Variants in CLEC18A observed in about 807,000 individuals in gnomAD.
CLEC18A encodes the protein mannose receptor-like 1.
A neutral mutation model predicts 24.0 loss-of-function variants in CLEC18A; 5 were observed. The observed-to-expected ratio is 0.21, with a 90% CI of 0.11 to 0.44. The LOEUF is 0.44. Ranked by LOEUF, CLEC18A falls within the 20% of genes least tolerant of loss-of-function variation. The pLI, the probability that CLEC18A is intolerant of heterozygous loss-of-function variation, is 0.99. For missense variants in CLEC18A, 83 were observed against 233.4 expected, an observed-to-expected ratio of 0.36 and a Z score of 4.20; for synonymous variants, 29 against 100.1, an observed-to-expected ratio of 0.29 and a Z score of 4.24.
chr16:69,953,368 AG>A (rs1360835848), intron 2 of CLEC18A: 1 of 150,900 alleles, frequency 6.6e-6, no homozygotes, highest in Non-Finnish European at 1.5e-5. Context: ...TGCAGCCCCG[AG>A]GGGCCCCCCT....
At chr16:69,946,313 A>G (rs1224120040), upstream of CLEC18A, among the ~76,000 whole-genome samples, 2 of 139,100 alleles carry the variant, frequency 1.4e-5, no homozygotes, top group Admixed American at 1.5e-4. Flanking sequence ...CTTCTATTCC[A>G]TGAATGTGAA....
the CLEC18A span, among the ~76,000 whole-genome samples, chr16:69,944,487 C>T: frequency 2.6e-5 from 4 of 151,822 alleles, no homozygotes; most frequent in African/African-American, 4.8e-5. Context: ...TATGATTGCA[C>T]CTATGAATAG....
chr16:69,964,872 C>G (rs645345), downstream of CLEC18A, among the ~76,000 whole-genome samples: 6,205 of 143,352 alleles, frequency 0.043, no homozygotes, highest in African/African-American at 0.17. Flanking sequence ...TGCAATCGGG[C>G]TTCACTGCAG....
chr16:69,946,404 T>C (rs2058911197), upstream of CLEC18A, among the ~76,000 whole-genome samples: 5 of 129,610 alleles, frequency 3.9e-5, 1 homozygote, highest in African/African-American at 1.4e-4. Flanking sequence ...TTTTTTTTTT[T>C]TTTTTTTTTT....
chr16:69,953,942 A>C, intron 2 of CLEC18A: 2 of 339,188 alleles, frequency 5.9e-6, no homozygotes, highest in Non-Finnish European at 1.1e-5. Flanking sequence ...TTTTTGCATC[A>C]CAGGAGGGCA....
At chr16:69,949,054 C>A, upstream of CLEC18A, among the ~76,000 whole-genome samples, 1 of 118,142 alleles carries the variant, frequency 8.5e-6, no homozygotes, top group African/African-American at 3.6e-5. Context: ...CAGATTCAAG[C>A]AATTCTCCTG....
intron 2 of CLEC18A, chr16:69,953,078 C>G (rs992549628): frequency 6.6e-6 from 1 of 151,476 alleles, no homozygotes; most frequent in Non-Finnish European, 1.5e-5. Context: ...TGGCAGCTGG[C>G]ACCCTTTCCA....
At chr16:69,945,249 C>G in the CLEC18A span, among the ~76,000 whole-genome samples, 1 of 148,970 alleles carries the variant, frequency 6.7e-6, no homozygotes, top group South Asian at 2.1e-4. Flanking sequence ...TATGGTACCA[C>G]TGCACTCCAG....
downstream of CLEC18A, among the ~76,000 whole-genome samples, chr16:69,965,348 G>GT (rs1959345655): frequency 6.6e-6 from 1 of 152,044 alleles, no homozygotes; most frequent in Non-Finnish European, 1.5e-5. Flanking sequence ...GCTCGGTCTG[G>GT]TTCCCGGGTC....
upstream of CLEC18A, among the ~76,000 whole-genome samples, chr16:69,949,115 C>A (rs2650531): frequency 1.1e-4 from 15 of 133,178 alleles, no homozygotes; most frequent in East Asian, 2.3e-4. Flanking sequence ...CCCTGCCCAG[C>A]TAATTTTTGT....
downstream of CLEC18A, among the ~76,000 whole-genome samples, chr16:69,965,416 C>T (rs1219575398): frequency 6.6e-6 from 1 of 151,916 alleles, no homozygotes; most frequent in African/African-American, 2.4e-5. Context: ...TCCGGGGCCA[C>T]GGCCGCAGCG....
chr16:69,953,394 A>T (rs1381835619), intron 2 of CLEC18A: 12 of 151,228 alleles, frequency 7.9e-5, no homozygotes, highest in East Asian at 2.0e-4. Context: ...GCATCCACTC[A>T]GTGCTTGTGA....
the CLEC18A span, among the ~76,000 whole-genome samples, chr16:69,945,250 T>C: frequency 6.7e-6 from 1 of 149,046 alleles, no homozygotes; most frequent in South Asian, 2.1e-4. Context: ...ATGGTACCAC[T>C]GCACTCCAGC....
At chr16:69,964,896 G>T (rs1485625444), downstream of CLEC18A, among the ~76,000 whole-genome samples, 20 of 152,184 alleles carry the variant, frequency 1.3e-4, no homozygotes, top group African/African-American at 4.6e-4. Flanking sequence ...CGAACTCCCA[G>T]GCTCAAGCGA....
chr16:69,950,126 ATGGCCTGTATGCC>A (rs1031002419), upstream of CLEC18A, among the ~76,000 whole-genome samples: 5 of 123,440 alleles, frequency 4.1e-5, no homozygotes, highest in African/African-American at 1.3e-4. Flanking sequence ...GACCGCCTTC[ATGGCCTGTATGCC>A]TGGCCTCATC....
chr16:69,954,819 T>C (rs1488754494), intron 3 of CLEC18A, among the ~76,000 whole-genome samples: 3 of 151,896 alleles, frequency 2.0e-5, no homozygotes, highest in Non-Finnish European at 2.9e-5. Flanking sequence ...TACTTCAGCC[T>C]CCTGACTAGC....
chr16:69,966,405 G>A (rs866480711), downstream of CLEC18A, among the ~76,000 whole-genome samples: 32 of 130,366 alleles, frequency 2.5e-4, 1 homozygote, highest in Non-Finnish European at 5.3e-4. Flanking sequence ...ATGAGAGGCC[G>A]GCACAAGCAG....
downstream of CLEC18A, among the ~76,000 whole-genome samples, chr16:69,964,906 A>C (rs1010171927): frequency 2.6e-5 from 4 of 151,952 alleles, 1 homozygote; most frequent in African/African-American, 4.8e-5. Context: ...GGCTCAAGCG[A>C]TCCTCCTGCC....
chr16:69,965,221 C>G (rs1474640702), downstream of CLEC18A, among the ~76,000 whole-genome samples: 2 of 151,868 alleles, frequency 1.3e-5, no homozygotes, highest in Non-Finnish European at 2.9e-5. Context: ...GCCCCCAGCT[C>G]TCTCTACCTC....
Sources: gnomAD v4.1 joint callset for allele counts (sites outside exome capture counted in the v4.1 genomes callset) on GRCh38, gnomAD v4.1.1 for gene constraint, MANE v1.5 for transcripts, NCBI Gene and HGNC (gene_info 2026-07-23, HGNC 2026-07-21) for gene names.